The following UBASH3B variants were observed in gnomAD, a reference collection of about 807,000 sequenced individuals.
UBASH3B encodes ubiquitin associated and SH3 domain containing B.
A neutral mutation model predicts 83.4 loss-of-function variants in UBASH3B; 37 were observed. The observed-to-expected ratio is 0.44, with a 90% CI of 0.34 to 0.58. UBASH3B has a LOEUF of 0.58. Among genes scored for constraint, UBASH3B ranks in the 20% least tolerant of loss-of-function variants. UBASH3B has a pLI of 0.01. For synonymous variants in UBASH3B, 304 were observed against 318.3 expected (o/e 0.96, Z 0.48); for missense variants, 657 against 827.2 (o/e 0.79, Z 2.52).
chr11:122,779,518 G>T lies in UBASH3B; in HGVS notation c.424G>T (p.Ala142Ser), dbSNP rs528599103. Residue 142 changes from alanine to serine, a missense_variant, in exon 4 of 14, where the codon GCC (alanine) becomes TCC (serine). Coordinates refer to ENST00000284273, the MANE Select transcript of UBASH3B (RefSeq NM_032873.5). ...FFMCEDSKVDALGEALQTTVS... is the reference protein window; with the variant it reads ...FFMCEDSKVDSLGEALQTTVS... ...CCAGTGCGAGGACAGCAAGGTGGAT[G>T]CCCTGGGGGAAGCCCTGCAGACCAC... is the stretch of plus-strand genomic sequence containing the variant. 7 of 1,614,014 alleles carry T rather than the reference G, an allele frequency of 4.3e-6. No homozygotes were observed. In the South Asian group the frequency reaches 7.7e-5, roughly 18 times the overall value.
At chr11:122,789,459 G>A (rs1016581473) in intron 6 of UBASH3B, 151 bp downstream of exon 6, 1 of 845,838 alleles carries the variant, frequency 1.2e-6, no homozygotes, top group Non-Finnish European at 1.8e-6. Context: ...TGAGGCATGG[G>A]GAAAATGCGA....
chr11:122,665,615 T>G (rs758217965), intron 1 of UBASH3B, among the ~76,000 whole-genome samples: 91 of 152,226 alleles, frequency 6.0e-4, no homozygotes, highest in Admixed American at 1.4e-3. Context: ...TGCTTTATGG[T>G]CAAATTCTTC....
intron 1 of UBASH3B, among the ~76,000 whole-genome samples, chr11:122,664,057 T>C (rs937084831): frequency 7.2e-5 from 11 of 152,198 alleles, no homozygotes; most frequent in African/African-American, 2.7e-4. Flanking sequence ...CTTCCACTTT[T>C]ATGGTTCTCT....
chr11:122,787,194 C>T (rs138203208), intron 5 of UBASH3B, among the ~76,000 whole-genome samples: 37 of 152,274 alleles, frequency 2.4e-4, no homozygotes, highest in African/African-American at 8.7e-4. Context: ...AAGAATGTTC[C>T]TTTTCATGGG....
chr11:122,692,550 G>T (rs1403341659), intron 1 of UBASH3B, among the ~76,000 whole-genome samples: 1 of 152,198 alleles, frequency 6.6e-6, no homozygotes, highest in Non-Finnish European at 1.5e-5. Flanking sequence ...AGGAAGGAAT[G>T]CACCCTTGGC....
intron 1 of UBASH3B, among the ~76,000 whole-genome samples, chr11:122,695,855 G>A (rs576935368): frequency 2.4e-4 from 37 of 152,302 alleles, no homozygotes; most frequent in African/African-American, 7.9e-4. Flanking sequence ...TTAGAGCTAC[G>A]GGTGGTAGTT....
chr11:122,744,729 T>C (rs1342821847), intron 1 of UBASH3B, among the ~76,000 whole-genome samples: 1 of 151,536 alleles, frequency 6.6e-6, no homozygotes, highest in African/African-American at 2.4e-5. Context: ...CTGATGTGAG[T>C]GTTTTGTGTG....
At chr11:122,702,135 T>G (rs567845222) in intron 1 of UBASH3B, among the ~76,000 whole-genome samples, 208 of 152,310 alleles carry the variant, frequency 1.4e-3, no homozygotes, top group African/African-American at 4.8e-3. Flanking sequence ...TTCCAAGTAA[T>G]GCAGCGTATG....
chr11:122,686,166 G>GGGAACC (rs1324974780), intron 1 of UBASH3B, among the ~76,000 whole-genome samples: 8 of 152,296 alleles, frequency 5.3e-5, no homozygotes, highest in African/African-American at 1.9e-4. Context: ...AAGTGGTTTG[G>GGGAACC]AGTCCTTTGG....
chr11:122,676,728 C>T (rs781480049), intron 1 of UBASH3B, among the ~76,000 whole-genome samples: 1 of 152,024 alleles, frequency 6.6e-6, no homozygotes, highest in Non-Finnish European at 1.5e-5. Context: ...TTCTAAATAG[C>T]GACATTCCAG....
At position 122,704,274 on chromosome 11, in the gene UBASH3B, A is replaced by T. The variant is rs1451765339; in HGVS notation, c.161+48064A>T. On this transcript the variant is annotated intron_variant, in intron 1 of 13. Coordinates refer to ENST00000284273, the MANE Select transcript of UBASH3B (RefSeq NM_032873.5). ...AGTCTTCCTCTGAGAAGGTGGCTGG[A>T]AGAAGTTCACATTTCTCAGCATTGA... 4.6e-5 allele frequency among the ~76,000 whole-genome samples: 7 copies of T among 152,180 alleles called. No homozygotes were observed. The East Asian group carries it at 1.3e-3, about 29-fold the overall frequency.
At chr11:122,798,463 A>G (rs1861189879) in intron 9 of UBASH3B, among the ~76,000 whole-genome samples, 1 of 152,186 alleles carries the variant, frequency 6.6e-6, no homozygotes, top group Non-Finnish European at 1.5e-5. Context: ...CTGTAATCCC[A>G]GCACTTTGGG....
chr11:122,762,887 T>G (rs1860468095), intron 1 of UBASH3B, among the ~76,000 whole-genome samples: 1 of 152,258 alleles, frequency 6.6e-6, no homozygotes, highest in Admixed American at 6.5e-5. Context: ...ATTGCAAAGA[T>G]TGATTAGATA....
intron 5 of UBASH3B, among the ~76,000 whole-genome samples, chr11:122,788,291 G>A (rs535370607): frequency 4.6e-5 from 7 of 152,260 alleles, no homozygotes; most frequent in South Asian, 2.1e-4. Flanking sequence ...TAAGTTGGCC[G>A]GGCATGGTGA....
intron 1 of UBASH3B, among the ~76,000 whole-genome samples, chr11:122,750,507 A>G (rs766110417): frequency 1.3e-5 from 2 of 151,964 alleles, no homozygotes; most frequent in African/African-American, 2.4e-5. Context: ...TGATTATTTT[A>G]CTCTCCATGA....
At chr11:122,783,347 C>A in intron 5 of UBASH3B, 125 bp downstream of exon 5, 2 of 1,190,528 alleles carry the variant, frequency 1.7e-6, no homozygotes, top group Non-Finnish European at 2.3e-6. Context: ...ACAGAGAGTC[C>A]GTTGGCTCAG....
chr11:122,707,357 C>T (rs936069996), intron 1 of UBASH3B, among the ~76,000 whole-genome samples: 1 of 152,070 alleles, frequency 6.6e-6, no homozygotes, highest in Non-Finnish European at 1.5e-5. Flanking sequence ...CTTTTCCTAA[C>T]GTGTGCCTTC....
intron 1 of UBASH3B, among the ~76,000 whole-genome samples, chr11:122,721,005 G>C (rs1413094303): frequency 6.6e-6 from 1 of 152,008 alleles, no homozygotes; most frequent in East Asian, 1.9e-4. Context: ...CAGCACTTTG[G>C]GAGGCCGAGG....
intron 13 of UBASH3B, among the ~76,000 whole-genome samples, chr11:122,808,803 A>G (rs1489635630): frequency 6.6e-6 from 1 of 152,158 alleles, no homozygotes; most frequent in African/African-American, 2.4e-5. Context: ...CACATTTTTG[A>G]AAAGTTTATT....
Sources: gnomAD v4.1 joint callset for allele counts (sites outside exome capture counted in the v4.1 genomes callset) on GRCh38, gnomAD v4.1.1 for gene constraint, MANE v1.5 for transcripts, NCBI Gene and HGNC (gene_info 2026-07-23, HGNC 2026-07-21) for gene names.